The following LMX1B variants were observed in gnomAD, a reference collection of about 807,000 sequenced individuals.
LMX1B encodes the protein LIM homeobox transcription factor 1-beta.
LMX1B carries 12 observed loss-of-function variants against 51.4 expected under a neutral mutation model. That is an observed-to-expected ratio of 0.23 (90% CI 0.15 to 0.38). The LOEUF (loss-of-function observed/expected upper bound fraction) is 0.38. LMX1B is among the 10% of genes least tolerant of loss of function. LMX1B has a pLI of 1.00. For missense variants in LMX1B, 445 were observed against 571.1 expected (o/e 0.78, Z 2.25); for synonymous variants, 237 against 235.4 (o/e 1.01, Z -0.06).
chr9:126,637,458 G>A (rs571469186), intron 2 of LMX1B, among the ~76,000 whole-genome samples: 12 of 151,602 alleles, frequency 7.9e-5, no homozygotes, highest in Admixed American at 6.6e-4. Context: ...AGGCATTTGC[G>A]TGTGCATTTG....
Position 126,615,395 on chromosome 9 carries a change from C to T in LMX1B, c.152C>T (p.Pro51Leu). 2 of 1,601,168 alleles carry T rather than the reference C, an allele frequency of 1.2e-6. No individual in the cohort carries two copies. Among genetic ancestry groups the T allele is most frequent in the Admixed American group, 1.7e-5 (1 of 59,164 alleles). Residue 51 changes from proline to leucine, a missense_variant, in exon 2 of 8, where the codon CCG (proline) becomes CTG (leucine). Physicochemically the swap from Pro to Leu is moderately conservative, Grantham distance 98 (BLOSUM62 -3). Transcript: ENST00000373474. The surrounding 1 kb of genome is among the most constrained non-coding windows in gnomAD (Gnocchi z 6.0). ...CTGTGCGCTACAGGCTCCGACTGCC[C>T]GCATCCCGCCGTCTGCGAGGGCTGC... Reference protein sequence around the residue: ...TLGVLLGSDCPHPAVCEGCQR... With the variant: ...TLGVLLGSDCLHPAVCEGCQR...
intron 2 of LMX1B, among the ~76,000 whole-genome samples, chr9:126,629,475 C>T (rs190366011): frequency 6.6e-6 from 1 of 152,104 alleles, no homozygotes; most frequent in Non-Finnish European, 1.5e-5. Context: ...AGTAACTTGC[C>T]CAAGGTCACA....
rs1003632105 is a variant in LMX1B, at chr9:126,615,846, T to A, written c.326+277T>A. ...CCGGCCGAGGGATTTGGTGCCTGGG[T>A]CCTGGGATATAGGGTCTGGCGCTAC... On this transcript the variant is annotated intron_variant, in intron 2 of 7. Transcript: ENST00000373474. The surrounding 1 kb of genome is among the most constrained non-coding windows in gnomAD (Gnocchi z 6.0). Among the ~76,000 whole-genome samples the A allele has an allele frequency of 6.6e-6, 1 of 152,184 alleles. No homozygotes were observed. The highest frequency in any genetic ancestry group is 2.4e-5 in the African/African-American group (1 of 41,442).
intron 2 of LMX1B, among the ~76,000 whole-genome samples, chr9:126,680,035 G>A (rs1836644722): frequency 6.6e-6 from 1 of 152,236 alleles, no homozygotes; most frequent in Non-Finnish European, 1.5e-5. Context: ...TTCTGGCCAT[G>A]CAGGGCCCCG....
At chr9:126,642,646 G>T (rs1318058263) in intron 2 of LMX1B, among the ~76,000 whole-genome samples, 1 of 152,256 alleles carries the variant, frequency 6.6e-6, no homozygotes, top group Non-Finnish European at 1.5e-5. Flanking sequence ...GGTGTTCCCG[G>T]AGGGTGGGTC....
At chr9:126,685,876 C>T (rs574833806) in intron 2 of LMX1B, among the ~76,000 whole-genome samples, 4 of 152,106 alleles carry the variant, frequency 2.6e-5, no homozygotes, top group Non-Finnish European at 5.9e-5. Context: ...AGAGAAGGGA[C>T]TTGTGCAAGA....
At chr9:126,627,100 G>C (rs941782347) in intron 2 of LMX1B, among the ~76,000 whole-genome samples, 12 of 152,162 alleles carry the variant, frequency 7.9e-5, no homozygotes, top group Admixed American at 2.0e-4. Flanking sequence ...TGGCCAGGCT[G>C]TCCTGACCTC....
rs1010426168 is a variant in LMX1B at position 126,617,919 on chromosome 9, G to T, written c.326+2350G>T. 3.0e-3 allele frequency among the ~76,000 whole-genome samples: 309 copies of T among 102,330 alleles called. 6 individuals are homozygous for T. Among genetic ancestry groups the T allele is most frequent in the Non-Finnish European group, 6.1e-4 (33 of 54,496 alleles). The allele number at this position is 102,330 out of a possible 152,430, so 67.1% of individuals were successfully genotyped here. A position where few individuals can be genotyped will look rare whatever the true frequency, so the allele number is the denominator to read the frequency against. ...GCAGGATGTGCTGGGGGTGGGGGGT[G>T]GGGGGTGGGGTGATTGTTATCAGGA... On this transcript the variant is annotated intron_variant, in intron 2 of 7. Transcript: ENST00000373474.
chr9:126,652,486 C>A (rs2118904673), intron 2 of LMX1B, among the ~76,000 whole-genome samples: 1 of 152,336 alleles, frequency 6.6e-6, no homozygotes, highest in Admixed American at 6.5e-5. Context: ...GTGTGTGTGT[C>A]CACACGGGAA....
At chr9:126,692,828 G>A (rs917626945) in intron 3 of LMX1B, among the ~76,000 whole-genome samples, 1 of 152,272 alleles carries the variant, frequency 6.6e-6, no homozygotes, top group Admixed American at 6.5e-5. Context: ...GTGCATGCCT[G>A]TGCTGTGGTT....
At chr9:126,628,537 G>A (rs908659227) in intron 2 of LMX1B, among the ~76,000 whole-genome samples, 2 of 152,172 alleles carry the variant, frequency 1.3e-5, no homozygotes, top group Non-Finnish European at 2.9e-5. Flanking sequence ...AAGTTCTTTG[G>A]GTTGTCTTAG....
chr9:126,615,450 G>A lies in LMX1B; in HGVS notation c.207G>A (p.Met69Ile). ...GGCCCATCTCCGACCGCTTCCTGAT[G>A]CGAGTCAACGAGTCGTCCTGGCACG... ...CQRPISDRFL[M>I]RVNESSWHEE... Residue 69 changes from methionine (M) to isoleucine (I), a missense_variant, in exon 2 of 8, where the codon ATG becomes ATA. Around this residue, in one of 3 missense-constraint regions of LMX1B, gnomAD observed 273 missense variants for 343.3 expected, o/e 0.80. Coordinates refer to ENST00000373474, the MANE Select transcript of LMX1B (RefSeq NM_001174147.2). This position sits in a 1 kb window ranked among gnomAD's most constrained non-coding sequence, Gnocchi z 6.0. 6.2e-7 allele frequency: 1 copy of A among 1,609,740 alleles called. No homozygotes were observed. Among genetic ancestry groups the A allele is most frequent in the Non-Finnish European group, 8.5e-7 (1 of 1,178,184 alleles).
In LMX1B at chr9:126,699,813, C is replaced by T. The variant is rs1233380859; in HGVS notation, c.*3362C>T. 6.6e-6 allele frequency: 1 copy of T among 152,300 alleles called. No individual in the cohort carries two copies. The highest frequency in any genetic ancestry group is 1.5e-5 in the Non-Finnish European group (1 of 68,116). 9.4% of individuals were successfully genotyped at this position (152,300 alleles called of 1,614,324 possible). A position where few individuals can be genotyped will look rare whatever the true frequency, so the allele number is the denominator to read the frequency against. ...GCCTGTGGGGCTGGGCAACCTTCTC[C>T]CACTTTATGGGAGGAGCTGCAGCCT... On this transcript the variant is annotated 3_prime_UTR_variant, in exon 8 of 8. Coordinates refer to ENST00000373474, the MANE Select transcript of LMX1B (RefSeq NM_001174147.2).
At chr9:126,624,192 T>G (rs985391829) in intron 2 of LMX1B, among the ~76,000 whole-genome samples, 2 of 152,216 alleles carry the variant, frequency 1.3e-5, no homozygotes, top group Non-Finnish European at 2.9e-5. Context: ...CTGCAGCAGC[T>G]TTCGGGCTTC....
chr9:126,619,203 G>A (rs2118833213), intron 2 of LMX1B, among the ~76,000 whole-genome samples: 1 of 152,314 alleles, frequency 6.6e-6, no homozygotes, highest in East Asian at 1.9e-4. Flanking sequence ...GGCTCCAGTG[G>A]CCCAACCGCT....
At chr9:126,686,581 C>T (rs542284706) in intron 2 of LMX1B, among the ~76,000 whole-genome samples, 7 of 152,266 alleles carry the variant, frequency 4.6e-5, no homozygotes, top group East Asian at 1.9e-4. Flanking sequence ...TTCTGGAGGC[C>T]GGGCTGATGC....
chr9:126,692,584 G>A (rs2118990292), intron 3 of LMX1B, among the ~76,000 whole-genome samples: 1 of 152,374 alleles, frequency 6.6e-6, no homozygotes, highest in African/African-American at 2.4e-5. Context: ...GCACGCGTGA[G>A]GGCCTTTGTG....
chr9:126,615,603 C>A lies in LMX1B; in HGVS notation c.326+34C>A. On this transcript the variant is annotated intron_variant, in intron 2 of 7. Transcript: ENST00000373474. The surrounding 1 kb of genome is among the most constrained non-coding windows in gnomAD (Gnocchi z 6.0). ...TTCTCGTCCTCCTTCCCCGCCACCG[C>A]CCGGCACTCGAGCCCGGTCAGCCCC... 1 of 1,573,778 alleles carries A rather than the reference C, an allele frequency of 6.4e-7. No individual in the cohort carries two copies. The highest frequency in any genetic ancestry group is 8.6e-7 in the Non-Finnish European group (1 of 1,158,818).
Position 126,626,324 on chromosome 9 carries a change from T to C in LMX1B, c.326+10755T>C, listed in dbSNP as rs928339504. ...TAAAAGCGACAGGCAAGGACTGTTT[T>C]ATGGGGAGGGAGAAGGAGCAGGAAG... On this transcript the variant is annotated intron_variant, in intron 2 of 7. Transcript: ENST00000373474. The surrounding 1 kb of genome is among the most constrained non-coding windows in gnomAD (Gnocchi z 4.3). Among the ~76,000 whole-genome samples, 1 of 152,148 alleles carries C rather than the reference T, an allele frequency of 6.6e-6. No individual in the cohort carries two copies. Among genetic ancestry groups the C allele is most frequent in the Non-Finnish European group, 1.5e-5 (1 of 68,024 alleles).
Sources: allele counts gnomAD v4.1 joint callset (sites outside exome capture counted in the v4.1 genomes callset), GRCh38; gene constraint gnomAD v4.1.1; regional missense constraint gnomAD v4.1.1; non-coding constraint Gnocchi (gnomAD v3.1); transcripts MANE v1.5; gene names NCBI Gene and HGNC (gene_info 2026-07-23, HGNC 2026-07-21).